Variants in PEMT observed in about 807,000 individuals in gnomAD.
The protein encoded by PEMT is phospholipid methyltransferase.
Under a neutral mutation model 27.4 loss-of-function variants are expected in PEMT, and 23 were observed. The ratio of observed to expected loss-of-function variants is 0.84; its 90% CI spans 0.60 to 1.19. The LOEUF is 1.19. Ranked by LOEUF, PEMT falls within the 50% of genes most tolerant of loss-of-function variation. PEMT has a pLI of 0.00. For synonymous variants in PEMT, 137 were observed against 139.1 expected (o/e 0.98, Z 0.11); for missense variants, 307 against 310.1 (o/e 0.99, Z 0.07).
chr17:17,572,192 G>A (rs940335900), intron 2 of PEMT, among the ~76,000 whole-genome samples: 3 of 152,156 alleles, frequency 2.0e-5, no homozygotes, highest in Admixed American at 6.6e-5. Flanking sequence ...TCCCACCTCC[G>A]CCAGTCCCAC....
chr17:17,528,490 TCTC>T lies in PEMT; in HGVS notation c.205-6098_205-6096del, dbSNP rs1907859447. Among the ~76,000 whole-genome samples, 4 of 152,250 alleles carry T rather than the reference TCTC, an allele frequency of 2.6e-5. No homozygotes were observed. The South Asian group carries it at 6.2e-4, about 24-fold the overall frequency. On this transcript the variant is annotated intron_variant, in intron 2 of 6. Coordinates refer to ENST00000255389, the MANE Select transcript of PEMT (RefSeq NM_148172.3). ...GATACATCAGCGCTCCGAGGCCTTC[TCTC>T]CTCTCCTCTTTCCCTCGCCTTGCAG...
At chr17:17,544,139 T>C (rs1270448760) in intron 2 of PEMT, among the ~76,000 whole-genome samples, 2 of 152,168 alleles carry the variant, frequency 1.3e-5, no homozygotes, top group Non-Finnish European at 2.9e-5. Flanking sequence ...TGTGGATTAT[T>C]ACAGAATCCT....
chr17:17,560,529 C>T (rs750561937), intron 2 of PEMT, among the ~76,000 whole-genome samples: 57 of 152,224 alleles, frequency 3.7e-4, no homozygotes, highest in Non-Finnish European at 5.9e-4. Flanking sequence ...CAGGGGCTGC[C>T]TGGGGCCCAG....
At chr17:17,575,106 G>A (rs569117109) in intron 2 of PEMT, among the ~76,000 whole-genome samples, 3 of 152,322 alleles carry the variant, frequency 2.0e-5, no homozygotes, top group African/African-American at 4.8e-5. Flanking sequence ...TCAAGGTGCC[G>A]ACTGGGCTGT....
chr17:17,576,043 G>T (rs181417193), intron 2 of PEMT, among the ~76,000 whole-genome samples: 125 of 152,270 alleles, frequency 8.2e-4, no homozygotes, highest in Non-Finnish European at 1.5e-3. Context: ...GTGATCACAG[G>T]ACGCTCAGGG....
chr17:17,574,265 A>AAAAAC (rs139970591), intron 2 of PEMT, among the ~76,000 whole-genome samples: 1 of 124,616 alleles, frequency 8.0e-6, no homozygotes, highest in East Asian at 2.3e-4. Context: ...AAAAAAAAAA[A>AAAAAC]CCGTATGCCA....
intron 2 of PEMT, among the ~76,000 whole-genome samples, chr17:17,524,400 A>C (rs1168435728): frequency 2.0e-5 from 3 of 152,158 alleles, no homozygotes; most frequent in Non-Finnish European, 4.4e-5. Flanking sequence ...CCAGCAATGC[A>C]TGAAGATTCT....
intron 2 of PEMT, among the ~76,000 whole-genome samples, chr17:17,537,802 A>G (rs771748026): frequency 6.6e-6 from 1 of 152,238 alleles, no homozygotes; most frequent in Non-Finnish European, 1.5e-5. Context: ...AGACATGGAC[A>G]GTGCCTGCTG....
intron 2 of PEMT, among the ~76,000 whole-genome samples, chr17:17,571,895 C>T (rs556782737): frequency 1.3e-4 from 20 of 152,166 alleles, no homozygotes; most frequent in Non-Finnish European, 2.1e-4. Context: ...GATGACATTT[C>T]ACCACGTTGC....
Position 17,506,271 on chromosome 17 carries a change from C to G in PEMT, c.609G>C (p.Thr203=), listed in dbSNP as rs780309322. Residue 203 remains threonine, a synonymous_variant, in exon 6 of 7, where the codon ACG becomes ACC. Coordinates refer to ENST00000255389, the MANE Select transcript of PEMT (RefSeq NM_148172.3). ...CTATGTAGGTGAGGGCCACCAGCAC[C>G]GTCAGGAGCAGGCCCGTGGGGCTGG... ...MHASPTGLLL[T]VLVALTYIVA... 3.2e-6 allele frequency: 5 copies of G among 1,586,340 alleles called. No homozygotes were observed. Among genetic ancestry groups the G allele is most frequent in the Non-Finnish European group, 3.4e-6 (4 of 1,165,654 alleles).
rs1245646910 is a variant in PEMT, at chr17:17,582,394, G to C, written c.97-5367C>G. On this transcript the variant is annotated intron_variant, in intron 1 of 6. Transcript: ENST00000255389. The surrounding 1 kb of genome is among the most constrained non-coding windows in gnomAD (Gnocchi z 4.9). ...GCTTTATGGTAATTTACTCCATTGA[G>C]GGGTGCAGGGTTCTCGGGAGCAGCG... 4 of 985,374 alleles carry C rather than the reference G, an allele frequency of 4.1e-6. No homozygotes were observed. In the East Asian group the frequency reaches 4.5e-4, roughly 112 times the overall value. The allele number at this position is 985,374 out of a possible 1,614,324, so 61.0% of individuals were successfully genotyped here.
chr17:17,539,207 T>C (rs902206243), intron 2 of PEMT, among the ~76,000 whole-genome samples: 1 of 152,108 alleles, frequency 6.6e-6, no homozygotes, highest in Non-Finnish European at 1.5e-5. Context: ...TCTCCAACTG[T>C]TGGTCTTAAG....
chr17:17,506,947 C>G (rs2142496227), intron 5 of PEMT: 1 of 574,140 alleles, frequency 1.7e-6, no homozygotes. Flanking sequence ...CCCCGGTCAC[C>G]CCAGCCCAGA....
chr17:17,569,929 A>G (rs999080425), intron 2 of PEMT, among the ~76,000 whole-genome samples: 1 of 152,162 alleles, frequency 6.6e-6, no homozygotes, highest in Non-Finnish European at 1.5e-5. Context: ...CTGGGATGCC[A>G]GGAATCGCTG....
In PEMT at chr17:17,512,601, G is replaced by T. The variant is rs773175169; in HGVS notation, c.374C>A (p.Ala125Glu). The change falls in exon 4 of 7, where the codon GCG (alanine) becomes GAG (glutamate). Residue 125 changes from alanine (A) to glutamate (E), a missense_variant. Ala to Glu is a moderately radical substitution (Grantham distance 107, BLOSUM62 -1). Transcript: ENST00000255389. This position sits in a 1 kb window ranked among gnomAD's most constrained non-coding sequence, Gnocchi z 6.3. ...QPRMESLDTP[A>E]AYSLGLALLG... The stretch of plus-strand genomic sequence containing the variant: ...GAGCGCGAGGCCCAGGCTGTAGGCC[G>T]CGGGGGTGTCCAGGCTCTCCATCCT... The T allele has an allele frequency of 1.9e-6, 3 of 1,600,998 alleles. No homozygotes were observed. The highest frequency in any genetic ancestry group is 2.6e-6 in the Non-Finnish European group (3 of 1,172,986).
chr17:17,512,673 G>GAGGGAGGACGTCATGGCC lies in PEMT; in HGVS notation c.321-37_321-20dup. The GAGGGAGGACGTCATGGCC allele has an allele frequency of 2.7e-6, 4 of 1,498,066 alleles. No homozygotes were observed. Among genetic ancestry groups the GAGGGAGGACGTCATGGCC allele is most frequent in the Non-Finnish European group, 3.6e-6 (4 of 1,115,526 alleles). The allele number at this position is 1,498,066 out of a possible 1,614,324, so 92.8% of individuals were successfully genotyped here. A position where few individuals can be genotyped will look rare whatever the true frequency, so the allele number is the denominator to read the frequency against. On this transcript the variant is annotated intron_variant, in intron 3 of 6. Coordinates refer to ENST00000255389, the MANE Select transcript of PEMT (RefSeq NM_148172.3). This position sits in a 1 kb window ranked among gnomAD's most constrained non-coding sequence, Gnocchi z 6.3. ...CGTGAAGCTGTGGGCAGGGGATGGA[G>GAGGGAGGACGTCATGGCC]AGGGAGGACGTCATGGCCAGGGAGG...
chr17:17,541,407 C>T lies in PEMT; in HGVS notation c.205-19012G>A, dbSNP rs779501515. Among the ~76,000 whole-genome samples the T allele has an allele frequency of 2.6e-5, 4 of 152,204 alleles. No individual in the cohort carries two copies. In the East Asian group the frequency reaches 5.8e-4, roughly 22 times the overall value. On this transcript the variant is annotated intron_variant, in intron 2 of 6. Transcript: ENST00000255389. Reference sequence around the variant, plus strand: ...ACAGGAAGCAGGGAGCATCGTGGACCGTGGCCCGCAGCACCTGTCCCCACT... The same window carrying T: ...ACAGGAAGCAGGGAGCATCGTGGACTGTGGCCCGCAGCACCTGTCCCCACT...
At chr17:17,581,691 C>T (rs1367122380) in intron 1 of PEMT, among the ~76,000 whole-genome samples, 1 of 152,214 alleles carries the variant, frequency 6.6e-6, no homozygotes, top group Admixed American at 6.5e-5. Context: ...AACGTATCCA[C>T]CCCCTCCCCC....
chr17:17,543,632 G>A (rs539244963), intron 2 of PEMT, among the ~76,000 whole-genome samples: 43 of 152,138 alleles, frequency 2.8e-4, no homozygotes, highest in Middle Eastern at 3.4e-3. Flanking sequence ...GCACGATCTC[G>A]GCTCACTGCA....
Sources: gnomAD v4.1 joint callset for allele counts (sites outside exome capture counted in the v4.1 genomes callset) on GRCh38, gnomAD v4.1.1 for gene constraint, Gnocchi (gnomAD v3.1) non-coding constraint, MANE v1.5 for transcripts, NCBI Gene and HGNC (gene_info 2026-07-23, HGNC 2026-07-21) for gene names.